The following MAVS variants were observed in gnomAD, a reference collection of about 807,000 sequenced individuals.
MAVS encodes mitochondrial antiviral signaling protein, also known as mitochondrial antiviral-signaling protein.
MAVS carries 20 observed loss-of-function variants against 30.2 expected under a neutral mutation model. That is an observed-to-expected ratio of 0.66 (90% CI 0.47 to 0.96). MAVS has a LOEUF of 0.96. MAVS is among the 40% of genes least tolerant of loss of function. The pLI, the probability that MAVS is intolerant of heterozygous loss-of-function variation, is 0.00. For synonymous variants in MAVS, 278 were observed against 293.9 expected, an observed-to-expected ratio of 0.95 and a Z score of 0.55; for missense variants, 624 against 701.1, an observed-to-expected ratio of 0.89 and a Z score of 1.24.
chr20:3,856,416 G>C (rs1390529608), intron 2 of MAVS, among the ~76,000 whole-genome samples: 1 of 139,352 alleles, frequency 7.2e-6, no homozygotes, highest in Non-Finnish European at 1.5e-5. Context: ...AGTTGCAGTG[G>C]TGCCATCTTG....
At position 3,866,803 on chromosome 20, in the gene MAVS, C is replaced by T. The variant is rs778545014; in HGVS notation, c.*656C>T. 2.5e-5 allele frequency: 11 copies of T among 432,624 alleles called. No individual in the cohort carries two copies. Among genetic ancestry groups the T allele is most frequent in the Admixed American group, 1.5e-4 (6 of 40,416 alleles). 26.8% of individuals were successfully genotyped at this position (432,624 alleles called of 1,614,324 possible). A position where few individuals can be genotyped will look rare whatever the true frequency, so the allele number is the denominator to read the frequency against. On this transcript the variant is annotated 3_prime_UTR_variant, in exon 7 of 7. Transcript: ENST00000428216. Reference sequence around the variant, plus strand: ...TCAGGCCTGAGGAAGACCTGTGGAGCTCCTCTCCAGCCTCCTCTTTCCCTC... The same window carrying T: ...TCAGGCCTGAGGAAGACCTGTGGAGTTCCTCTCCAGCCTCCTCTTTCCCTC...
Position 3,872,416 on chromosome 20 carries a change from C to T in MAVS, c.*6269C>T, listed in dbSNP as rs1396717449. 2.0e-5 allele frequency: 3 copies of T among 152,224 alleles called. No homozygotes were observed. The highest frequency in any genetic ancestry group is 7.2e-5 in the African/African-American group (3 of 41,434). 9.4% of individuals were successfully genotyped at this position (152,224 alleles called of 1,614,324 possible). ...TGGCACCACTGCACTTCAGCCTAGGCAACAGAGGGAGACCCTGTCTTTAAA... is the reference window on the plus strand; with the variant it reads ...TGGCACCACTGCACTTCAGCCTAGGTAACAGAGGGAGACCCTGTCTTTAAA... On this transcript the variant is annotated 3_prime_UTR_variant, in exon 7 of 7. Coordinates refer to ENST00000428216, the MANE Select transcript of MAVS (RefSeq NM_020746.5).
At chr20:3,851,455 G>A (rs979471553) in intron 1 of MAVS, among the ~76,000 whole-genome samples, 6 of 144,926 alleles carry the variant, frequency 4.1e-5, no homozygotes, top group Non-Finnish European at 7.5e-5. Context: ...GCAGTGAGCC[G>A]AGATCACACC....
At chr20:3,857,587 G>T in intron 2 of MAVS, 48 bp from the exon 3 acceptor site, 1 of 1,562,100 alleles carries the variant, frequency 6.4e-7, no homozygotes, top group South Asian at 1.2e-5. Flanking sequence ...GTGGGGAAGT[G>T]GCAGGGGCCA....
chr20:3,852,829 G>A (rs2089772468), intron 1 of MAVS, among the ~76,000 whole-genome samples: 1 of 146,248 alleles, frequency 6.8e-6, no homozygotes, highest in Non-Finnish European at 1.5e-5. Context: ...AGCAAATTCT[G>A]CAGAATTTTT....
intron 3 of MAVS, among the ~76,000 whole-genome samples, chr20:3,859,982 A>C (rs1254958558): frequency 1.3e-5 from 2 of 150,892 alleles, no homozygotes; most frequent in African/African-American, 4.9e-5. Flanking sequence ...ATGCCCGGCT[A>C]ACTTTTTGTA....
At chr20:3,855,429 G>A (rs1012060166) in intron 2 of MAVS, among the ~76,000 whole-genome samples, 2 of 152,062 alleles carry the variant, frequency 1.3e-5, no homozygotes, top group Non-Finnish European at 1.5e-5. Flanking sequence ...GTCCTGGCAC[G>A]GAGCTGGGAC....
In MAVS at chr20:3,861,328, C is replaced by G. The variant is rs757014553; in HGVS notation, c.293-4C>G. 1 of 1,609,560 alleles carries G rather than the reference C, an allele frequency of 6.2e-7. No individual in the cohort carries two copies. The highest frequency in any genetic ancestry group is 8.5e-7 in the Non-Finnish European group (1 of 1,177,674). On this transcript the variant is annotated splice_region_variant and splice_polypyrimidine_tract_variant and intron_variant, in intron 3 of 6. Coordinates refer to ENST00000428216, the MANE Select transcript of MAVS (RefSeq NM_020746.5). ...CTTGATATCACTACATCTTTGTCCT[C>G]TAGGGACCTCGGACCGTCCCCCAGA...
At chr20:3,858,521 T>C (rs1306849159) in intron 3 of MAVS, among the ~76,000 whole-genome samples, 1 of 151,646 alleles carries the variant, frequency 6.6e-6, no homozygotes, top group Non-Finnish European at 1.5e-5. Context: ...CTACTAAAAA[T>C]ACAGAAAATT....
At position 3,869,637 on chromosome 20, in the gene MAVS, C is replaced by T. The variant is rs2089939062; in HGVS notation, c.*3490C>T. 1 of 151,550 alleles carries T rather than the reference C, an allele frequency of 6.6e-6. No homozygotes were observed. Among genetic ancestry groups the T allele is most frequent in the African/African-American group, 2.4e-5 (1 of 41,154 alleles). The allele number at this position is 151,550 out of a possible 1,614,324, so 9.4% of individuals were successfully genotyped here. On this transcript the variant is annotated 3_prime_UTR_variant, in exon 7 of 7. Transcript: ENST00000428216. ...TTTTTCTTTTTTTGAGACAGTCTTACTCCGTTGCCCAGGCTGGAGTGTAGT... is the reference window on the plus strand; with the variant it reads ...TTTTTCTTTTTTTGAGACAGTCTTATTCCGTTGCCCAGGCTGGAGTGTAGT...
Position 3,866,295 on chromosome 20 carries a change from C to A in MAVS, c.*148C>A. 1 of 765,952 alleles carries A rather than the reference C, an allele frequency of 1.3e-6. No individual in the cohort carries two copies. The highest frequency in any genetic ancestry group is 2.0e-6 in the Non-Finnish European group (1 of 490,392). The allele number at this position is 765,952 out of a possible 1,614,324, so 47.4% of individuals were successfully genotyped here. On this transcript the variant is annotated 3_prime_UTR_variant, in exon 7 of 7. Coordinates refer to ENST00000428216, the MANE Select transcript of MAVS (RefSeq NM_020746.5). Reference sequence around the variant, plus strand: ...ACTGCAGGCCTGGCAGCAGGACATGCCTTGGCTGAACCAAGTCCTGAGAGC... The same window carrying A: ...ACTGCAGGCCTGGCAGCAGGACATGACTTGGCTGAACCAAGTCCTGAGAGC...
chr20:3,857,806 C>A lies in MAVS; in HGVS notation c.289C>A (p.Pro97Thr). The change falls in exon 3 of 7, where the codon CCT (proline) becomes ACT (threonine). Residue 97 changes from proline to threonine, a missense_variant. Coordinates refer to ENST00000428216, the MANE Select transcript of MAVS (RefSeq NM_020746.5). ...EVASVYQSYQ[P>T]RTSDRPPDPL... The stretch of plus-strand genomic sequence containing the variant: ...GGCCTCTGTCTACCAGAGCTACCAG[C>A]CTCGTGAGCGTCCTGCCCTTGCCCT... 6.2e-7 allele frequency: 1 copy of A among 1,614,164 alleles called. No homozygotes were observed.
intron 1 of MAVS, among the ~76,000 whole-genome samples, chr20:3,853,292 C>T (rs574660521): frequency 4.0e-5 from 6 of 151,004 alleles, no homozygotes; most frequent in South Asian, 2.1e-4. Context: ...CGAGACCATC[C>T]TGGCTAACCC....
intron 5 of MAVS, among the ~76,000 whole-genome samples, chr20:3,863,745 G>C (rs377001926): frequency 1.7e-4 from 26 of 152,092 alleles, no homozygotes; most frequent in African/African-American, 5.8e-4. Flanking sequence ...GGGTGGCTTT[G>C]TCCTTGTCCC....
chr20:3,857,834 T>C (rs1187195603), intron 3 of MAVS, 25 bp downstream of exon 3: 2 of 1,613,536 alleles, frequency 1.2e-6, no homozygotes, highest in African/African-American at 1.3e-5. Flanking sequence ...CTTGCCCTCC[T>C]GGACCCCCAG....
At chr20:3,863,763 C>T (rs2089884033) in intron 5 of MAVS, among the ~76,000 whole-genome samples, 1 of 152,118 alleles carries the variant, frequency 6.6e-6, no homozygotes, top group Admixed American at 6.6e-5. Flanking sequence ...CCCCTCTCTT[C>T]CCAAGCCTCC....
chr20:3,864,329 C>T lies in MAVS; in HGVS notation c.699C>T (p.Ser233=). 6.2e-7 allele frequency: 1 copy of T among 1,613,984 alleles called. No homozygotes were observed. Among genetic ancestry groups the T allele is most frequent in the Non-Finnish European group, 8.5e-7 (1 of 1,180,018 alleles). The change falls in exon 6 of 7, where the codon TCC becomes TCT. Residue 233 remains serine (S), a synonymous_variant. Coordinates refer to ENST00000428216, the MANE Select transcript of MAVS (RefSeq NM_020746.5). The part of the protein sequence containing the change: ...PSVSFQPLAR[S]TPRASRLPGP... ...TCTCCTTCCAGCCCCTGGCCCGTTC[C>T]ACCCCCAGGGCAAGCCGCTTGCCTG...
Position 3,864,631 on chromosome 20 carries a change from G to A in MAVS, c.1001G>A (p.Gly334Asp). ...SKLPTSSKPP[G>D]AVPSNALTNP... is the part of the protein sequence containing the mutation. ...TTGCCAACTAGCTCAAAGCCCCCTG[G>A]TGCAGTGCCTTCTAATGCGCTCACC... The change falls in exon 6 of 7, where the codon GGT (glycine) becomes GAT (aspartate). Residue 334 changes from glycine (G) to aspartate (D), a missense_variant. Physicochemically the swap from Gly to Asp is moderately conservative, Grantham distance 94. Transcript: ENST00000428216. 1 of 1,614,196 alleles carries A rather than the reference G, an allele frequency of 6.2e-7. No homozygotes were observed. The highest frequency in any genetic ancestry group is 2.2e-5 in the East Asian group (1 of 44,880).
chr20:3,851,289 C>T (rs2089757617), intron 1 of MAVS, among the ~76,000 whole-genome samples: 1 of 151,934 alleles, frequency 6.6e-6, no homozygotes, highest in South Asian at 2.1e-4. Context: ...GATTACGCCA[C>T]TGCACTCCAG....
Sources: gnomAD v4.1 joint callset for allele counts (sites outside exome capture counted in the v4.1 genomes callset) on GRCh38, gnomAD v4.1.1 for gene constraint, MANE v1.5 for transcripts, NCBI Gene and HGNC (gene_info 2026-07-23, HGNC 2026-07-21) for gene names.